The following GABBR2 variants were observed in gnomAD, a reference collection of about 807,000 sequenced individuals.
The protein encoded by GABBR2 is G-protein coupled receptor 51.
Under a neutral mutation model 105.6 loss-of-function variants are expected in GABBR2, and 23 were observed. The observed-to-expected ratio is 0.22, with a 90% confidence interval of 0.16 to 0.31. GABBR2 has a LOEUF of 0.31. GABBR2 is among the 10% of genes least tolerant of loss of function. The pLI is 1.00. For missense variants in GABBR2, 734 were observed against 1,245.5 expected (o/e 0.59, Z 6.18); for synonymous variants, 478 against 499.7 (o/e 0.96, Z 0.58).
chr9:98,680,089 G>A (rs1588280566), intron 1 of GABBR2, among the ~76,000 whole-genome samples: 1 of 152,188 alleles, frequency 6.6e-6, no homozygotes. Flanking sequence ...ACCTAGCAAT[G>A]AGTGAGGGAA....
chr9:98,369,952 AAGG>A (rs1417211496), intron 12 of GABBR2, among the ~76,000 whole-genome samples: 1 of 152,056 alleles, frequency 6.6e-6, no homozygotes, highest in Non-Finnish European at 1.5e-5. Flanking sequence ...TTCCAGTGAA[AAGG>A]AGATCACTGG....
chr9:98,387,905 C>T (rs1457647108), intron 10 of GABBR2, among the ~76,000 whole-genome samples: 1 of 152,122 alleles, frequency 6.6e-6, no homozygotes, highest in African/African-American at 2.4e-5. Flanking sequence ...ACCAAAAAAA[C>T]TGTTTTCTTC....
intron 11 of GABBR2, among the ~76,000 whole-genome samples, chr9:98,382,560 C>T (rs989048284): frequency 6.6e-6 from 1 of 152,236 alleles, no homozygotes; most frequent in East Asian, 1.9e-4. Context: ...GGTGATCTAC[C>T]CGCCTCGGCC....
chr9:98,418,553 CAAA>C (rs911004935), intron 7 of GABBR2, among the ~76,000 whole-genome samples: 21 of 134,716 alleles, frequency 1.6e-4, no homozygotes, highest in African/African-American at 4.9e-4. Context: ...ACAACAACAA[CAAA>C]AAAACCCAAA....
chr9:98,517,427 T>G (rs1325328975), intron 3 of GABBR2, among the ~76,000 whole-genome samples: 1 of 152,152 alleles, frequency 6.6e-6, no homozygotes, highest in African/African-American at 2.4e-5. Context: ...CACCCACATA[T>G]GTGTCAGCTT....
chr9:98,361,306 T>A (rs1295372050), intron 13 of GABBR2, among the ~76,000 whole-genome samples: 1 of 152,154 alleles, frequency 6.6e-6, no homozygotes, highest in Non-Finnish European at 1.5e-5. Context: ...AAGGACAGCA[T>A]CTACCTCCCA....
At chr9:98,430,505 C>A (rs976841301) in intron 7 of GABBR2, among the ~76,000 whole-genome samples, 1 of 152,094 alleles carries the variant, frequency 6.6e-6, no homozygotes, top group Non-Finnish European at 1.5e-5. Context: ...CTTTTTCCCA[C>A]CCAACGTGGT....
intron 1 of GABBR2, among the ~76,000 whole-genome samples, chr9:98,635,876 T>G (rs887362023): frequency 6.6e-6 from 1 of 152,174 alleles, no homozygotes; most frequent in African/African-American, 2.4e-5. Flanking sequence ...GTTCTCAAAC[T>G]TGAGTTTGTA....
At chr9:98,352,109 G>A (rs1831409563) in intron 13 of GABBR2, among the ~76,000 whole-genome samples, 1 of 152,344 alleles carries the variant, frequency 6.6e-6, no homozygotes, top group East Asian at 1.9e-4. Flanking sequence ...TGATTGCTGT[G>A]AATTTCTCAG....
At position 98,306,802 on chromosome 9, in the gene GABBR2, T is replaced by G. The variant is rs1433768671; in HGVS notation, c.2005-457A>C. Among the ~76,000 whole-genome samples, 1 of 152,216 alleles carries G rather than the reference T, an allele frequency of 6.6e-6. No individual in the cohort carries two copies. Among genetic ancestry groups the G allele is most frequent in the East Asian group, 1.9e-4 (1 of 5,200 alleles). Reference sequence around the variant, plus strand: ...TCTATTAAACTAAGCAGATCCCTTGTGTCTGAGACTTCTATTGTCCCCAAG... The same window carrying G: ...TCTATTAAACTAAGCAGATCCCTTGGGTCTGAGACTTCTATTGTCCCCAAG... On this transcript the variant is annotated intron_variant, in intron 14 of 18. Coordinates refer to ENST00000259455, the MANE Select transcript of GABBR2 (RefSeq NM_005458.8). This position sits in a 1 kb window ranked among gnomAD's most constrained non-coding sequence, Gnocchi z 5.4.
At chr9:98,611,068 C>A (rs2131813581) in intron 1 of GABBR2, among the ~76,000 whole-genome samples, 1 of 152,206 alleles carries the variant, frequency 6.6e-6, no homozygotes, top group East Asian at 1.9e-4. Context: ...TTTCTCAAGT[C>A]TCCCTCTGTC....
At chr9:98,410,550 G>C (rs1294370177) in intron 7 of GABBR2, among the ~76,000 whole-genome samples, 4 of 150,348 alleles carry the variant, frequency 2.7e-5, no homozygotes, top group African/African-American at 7.4e-5. Flanking sequence ...TTGCAGCAAG[G>C]GGAGCTACGA....
intron 1 of GABBR2, among the ~76,000 whole-genome samples, chr9:98,702,680 A>G (rs994612710): frequency 6.6e-6 from 1 of 152,190 alleles, no homozygotes; most frequent in Non-Finnish European, 1.5e-5. Context: ...CCTTCCTGGT[A>G]TCCAATGTCC....
intron 18 of GABBR2, among the ~76,000 whole-genome samples, chr9:98,292,747 G>A (rs1434918884): frequency 1.3e-5 from 2 of 152,244 alleles, no homozygotes; most frequent in Non-Finnish European, 2.9e-5. Flanking sequence ...GGCAAGGTGG[G>A]TCCTGTGGTT....
chr9:98,629,453 A>T (rs1229134144), intron 1 of GABBR2, among the ~76,000 whole-genome samples: 1 of 152,226 alleles, frequency 6.6e-6, no homozygotes, highest in Admixed American at 6.5e-5. Flanking sequence ...AGACTAGATT[A>T]TAAAAACCAA....
chr9:98,421,062 C>T (rs60868407), intron 7 of GABBR2, among the ~76,000 whole-genome samples: 40,387 of 152,114 alleles, frequency 0.27, 6,264 homozygotes, highest in Middle Eastern at 0.36. Flanking sequence ...GAGAACAGAA[C>T]CATGGTTCCC....
intron 3 of GABBR2, among the ~76,000 whole-genome samples, chr9:98,504,633 T>G (rs1262429090): frequency 6.6e-6 from 1 of 152,246 alleles, no homozygotes; most frequent in African/African-American, 2.4e-5. Context: ...TTGCTATATA[T>G]AGCCATGAAT....
At chr9:98,478,946 G>A (rs1469630591) in intron 5 of GABBR2, among the ~76,000 whole-genome samples, 4 of 152,002 alleles carry the variant, frequency 2.6e-5, no homozygotes, top group Non-Finnish European at 4.4e-5. Flanking sequence ...TACTGGAGAG[G>A]GGATACCGAG....
chr9:98,417,811 G>C (rs985047986), intron 7 of GABBR2, among the ~76,000 whole-genome samples: 4 of 152,144 alleles, frequency 2.6e-5, no homozygotes, highest in African/African-American at 9.7e-5. Flanking sequence ...CACAAAGGAA[G>C]GGCACCTCTC....
Sources: gnomAD v4.1 joint callset for allele counts (sites outside exome capture counted in the v4.1 genomes callset) on GRCh38, gnomAD v4.1.1 for gene constraint, Gnocchi (gnomAD v3.1) non-coding constraint, MANE v1.5 for transcripts, NCBI Gene and HGNC (gene_info 2026-07-23, HGNC 2026-07-21) for gene names.